Variants in DCDC1 observed in about 807,000 individuals in gnomAD.
DCDC1 encodes doublecortin domain-containing protein 1.
A neutral mutation model predicts 178.3 loss-of-function variants in DCDC1; 200 were observed. The observed-to-expected ratio is 1.12, with a 90% CI of 1.00 to 1.26. The LOEUF (loss-of-function observed/expected upper bound fraction) is 1.26. Among genes scored for constraint, DCDC1 ranks in the 50% most tolerant of loss-of-function variants. DCDC1 has a pLI of 0.00. For missense variants in DCDC1, 1,983 were observed against 1,749.2 expected, an observed-to-expected ratio of 1.13 and a Z score of -2.38; for synonymous variants, 690 against 604.8, an observed-to-expected ratio of 1.14 and a Z score of -2.07.
At chr11:31,065,234 G>A (rs1956181115) in intron 18 of DCDC1, 81 bp from the exon 19 acceptor site, 5 of 559,858 alleles carry the variant, frequency 8.9e-6, no homozygotes, top group South Asian at 8.6e-5. Flanking sequence ...AAGAGAGGAG[G>A]ATAAATTACA....
In DCDC1 at chr11:31,003,421, C is replaced by T. The variant is rs141220034; in HGVS notation, c.2592-50853G>A. Reference sequence around the variant, plus strand: ...CTCAACCTGAGTACCACAAAGATAGCCATGGTAAGTACAAACAAACACAGT... The same window carrying T: ...CTCAACCTGAGTACCACAAAGATAGTCATGGTAAGTACAAACAAACACAGT... On this transcript the variant is annotated intron_variant, in intron 20 of 38. Transcript: ENST00000684477. Among the ~76,000 whole-genome samples, 826 of 152,148 alleles carry T rather than the reference C, an allele frequency of 5.4e-3. 15 individuals are homozygous for T. Among genetic ancestry groups the T allele is most frequent in the African/African-American group, 0.018 (742 of 41,504 alleles).
chr11:31,214,158 G>GC, intron 9 of DCDC1, among the ~76,000 whole-genome samples: 1 of 152,056 alleles, frequency 6.6e-6, no homozygotes, highest in Middle Eastern at 3.4e-3. Context: ...ACCACATGGG[G>GC]CCTTGATTCT....
intron 7 of DCDC1, among the ~76,000 whole-genome samples, chr11:31,272,980 C>T (rs1945685895): frequency 6.6e-6 from 1 of 152,220 alleles, no homozygotes; most frequent in South Asian, 2.1e-4. Flanking sequence ...CTGAACTCTA[C>T]ATTGGCCCCT....
chr11:31,354,260 T>A (rs1229031268), intron 1 of DCDC1, among the ~76,000 whole-genome samples: 1 of 152,198 alleles, frequency 6.6e-6, no homozygotes, highest in African/African-American at 2.4e-5. Flanking sequence ...CACTCCAGCC[T>A]GGTGACAGAG....
chr11:31,204,776 T>G (rs1188931082), intron 9 of DCDC1, among the ~76,000 whole-genome samples: 1 of 152,166 alleles, frequency 6.6e-6, no homozygotes, highest in African/African-American at 2.4e-5. Context: ...GAGCCGAGAT[T>G]GTGCCACTGC....
intron 8 of DCDC1, among the ~76,000 whole-genome samples, chr11:31,250,393 C>CACACAA (rs1943901771): frequency 9.2e-6 from 1 of 109,088 alleles, no homozygotes; most frequent in Non-Finnish European, 1.9e-5. Context: ...AATACACACA[C>CACACAA]ACACACACAC....
chr11:31,138,184 T>C (rs2136003377), intron 9 of DCDC1, among the ~76,000 whole-genome samples: 1 of 152,278 alleles, frequency 6.6e-6, no homozygotes, highest in Admixed American at 6.5e-5. Context: ...GGATAAGAAG[T>C]CAATGACATA....
intron 20 of DCDC1, among the ~76,000 whole-genome samples, chr11:31,045,826 T>C (rs1954806112): frequency 6.6e-6 from 1 of 152,204 alleles, no homozygotes; most frequent in Non-Finnish European, 1.5e-5. Flanking sequence ...TTTTTCTTTT[T>C]TTAAACTTTT....
At chr11:31,310,558 A>G (rs1390447624) in intron 3 of DCDC1, among the ~76,000 whole-genome samples, 3 of 151,914 alleles carry the variant, frequency 2.0e-5, no homozygotes, top group Non-Finnish European at 4.4e-5. Context: ...TGACTTCATG[A>G]TCCTCCCACC....
chr11:31,112,813 C>T (rs557896771), intron 11 of DCDC1, among the ~76,000 whole-genome samples: 13 of 152,160 alleles, frequency 8.5e-5, no homozygotes, highest in African/African-American at 2.6e-4. Flanking sequence ...AGATTAACAC[C>T]GAAGTTTCAT....
chr11:30,953,429 C>T lies in DCDC1; in HGVS notation c.2592-861G>A, dbSNP rs1311270879. On this transcript the variant is annotated intron_variant, in intron 20 of 38. Transcript: ENST00000684477. ...AAGCAATGAAATAACGTACTTGAAA[C>T]CTTACAGGATACATGTAGAATTATA... Among the ~76,000 whole-genome samples the T allele has an allele frequency of 2.0e-5, 3 of 151,222 alleles. No individual in the cohort carries two copies. In the East Asian group the frequency reaches 5.8e-4, roughly 29 times the overall value.
intron 18 of DCDC1, among the ~76,000 whole-genome samples, chr11:31,068,918 C>T (rs943869865): frequency 2.6e-5 from 4 of 151,292 alleles, no homozygotes; most frequent in Non-Finnish European, 5.9e-5. Context: ...GTGGTGCAAT[C>T]TCGGCTCACT....
intron 9 of DCDC1, among the ~76,000 whole-genome samples, chr11:31,232,496 T>G (rs1975904501): frequency 6.6e-6 from 1 of 152,132 alleles, no homozygotes; most frequent in African/African-American, 2.4e-5. Flanking sequence ...TTCATTATCT[T>G]CCAAAGGCCG....
intron 1 of DCDC1, among the ~76,000 whole-genome samples, chr11:31,362,679 A>G (rs912686778): frequency 3.3e-5 from 5 of 152,200 alleles, no homozygotes; most frequent in Non-Finnish European, 5.9e-5. Context: ...AAAAGACTAG[A>G]GTCATGGTGC....
chr11:31,358,684 A>G (rs1264561694), intron 1 of DCDC1, among the ~76,000 whole-genome samples: 1 of 152,176 alleles, frequency 6.6e-6, no homozygotes, highest in Non-Finnish European at 1.5e-5. Context: ...TTTGCAACCT[A>G]CTCATCTGAC....
intron 17 of DCDC1, among the ~76,000 whole-genome samples, chr11:31,079,685 T>C (rs1354142893): frequency 6.6e-6 from 1 of 151,944 alleles, no homozygotes; most frequent in Non-Finnish European, 1.5e-5. Context: ...AACTGAAGAA[T>C]TGCTTGATGT....
At chr11:31,130,021 C>A (rs1962220372) in intron 10 of DCDC1, among the ~76,000 whole-genome samples, 1 of 152,052 alleles carries the variant, frequency 6.6e-6, no homozygotes, top group Non-Finnish European at 1.5e-5. Flanking sequence ...ATGTTTAACC[C>A]AACACTCTGA....
intron 17 of DCDC1, 31 bp from the exon 18 acceptor site, chr11:31,077,956 A>C (rs748691746): frequency 1.3e-6 from 1 of 764,440 alleles, no homozygotes; most frequent in Non-Finnish European, 2.4e-6. Context: ...AGAGATTGAC[A>C]TCTTCTCTCC....
In DCDC1 at chr11:31,186,502, C is replaced by G. The variant is rs529409115; in HGVS notation, c.1222-48718G>C. Among the ~76,000 whole-genome samples the G allele has an allele frequency of 5.9e-5, 9 of 152,292 alleles. No individual in the cohort carries two copies. In the East Asian group the frequency reaches 1.7e-3, roughly 29 times the overall value. On this transcript the variant is annotated intron_variant, in intron 9 of 38. Coordinates refer to ENST00000684477, the MANE Select transcript of DCDC1 (RefSeq NM_001387274.1). ...GTGCCTTGCCACCTTGGGTCCTCAG[C>G]CATAGCCTTGCTTTCTTTCCAGAAC...
Sources: gnomAD v4.1 joint callset for allele counts (sites outside exome capture counted in the v4.1 genomes callset) on GRCh38, gnomAD v4.1.1 for gene constraint, MANE v1.5 for transcripts, NCBI Gene and HGNC (gene_info 2026-07-23, HGNC 2026-07-21) for gene names.